Variants in FER observed in about 807,000 individuals in gnomAD.
The protein encoded by FER is FER tyrosine kinase.
A neutral mutation model predicts 111.0 loss-of-function variants in FER; 63 were observed. The observed-to-expected ratio is 0.57, with a 90% CI of 0.46 to 0.70. The LOEUF (loss-of-function observed/expected upper bound fraction) is 0.70, where lower values mean the gene tolerates loss of function less well. Among genes scored for constraint, FER ranks in the 30% least tolerant of loss-of-function variants. FER has a pLI of 0.00. For missense variants in FER, 914 were observed against 954.0 expected (o/e 0.96, Z 0.55); for synonymous variants, 327 against 313.9 (o/e 1.04, Z -0.44).
chr5:108,913,806 A>G (rs529737407), intron 10 of FER, among the ~76,000 whole-genome samples: 2 of 152,226 alleles, frequency 1.3e-5, no homozygotes, highest in Non-Finnish European at 1.5e-5. Context: ...ACCCAATGGG[A>G]TACTCCGCAG....
At chr5:108,962,188 C>T (rs1248351464) in intron 13 of FER, among the ~76,000 whole-genome samples, 3 of 152,154 alleles carry the variant, frequency 2.0e-5, no homozygotes, top group Non-Finnish European at 4.4e-5. Context: ...GCCTGAGCCA[C>T]CCATCCCTCT....
At chr5:109,077,330 A>G (rs1399199100) in intron 16 of FER, among the ~76,000 whole-genome samples, 6 of 152,194 alleles carry the variant, frequency 3.9e-5, no homozygotes, top group Admixed American at 6.5e-5. Context: ...ACCTTATTAT[A>G]TGAATTAACT....
At chr5:108,804,482 C>G (rs1181772675) in intron 3 of FER, among the ~76,000 whole-genome samples, 1 of 152,064 alleles carries the variant, frequency 6.6e-6, no homozygotes. Flanking sequence ...ATAGATGGCT[C>G]TTACTGTTTT....
chr5:108,901,890 G>A (rs1750080396), intron 10 of FER, among the ~76,000 whole-genome samples: 2 of 152,318 alleles, frequency 1.3e-5, no homozygotes, highest in Non-Finnish European at 2.9e-5. Flanking sequence ...GTTTGAGACT[G>A]CAGTGTTCCA....
chr5:109,130,792 C>T (rs1281308326), intron 17 of FER, among the ~76,000 whole-genome samples: 1 of 151,986 alleles, frequency 6.6e-6, no homozygotes, highest in Non-Finnish European at 1.5e-5. Flanking sequence ...GGCTGCCATA[C>T]CAAACAGCAC....
rs77643047 is a variant in FER, at chr5:109,164,518, T to C, written c.2049-16229T>C. The stretch of plus-strand genomic sequence containing the variant: ...GTTTTATACATTGCTCCTTTCTGAA[T>C]CATGTCTATATCTGTATTGAATTGT... On this transcript the variant is annotated intron_variant, in intron 17 of 19. Coordinates refer to ENST00000281092, the MANE Select transcript of FER (RefSeq NM_005246.4). 2.7e-3 allele frequency among the ~76,000 whole-genome samples: 410 copies of C among 152,314 alleles called. 4 individuals carry two copies. Among genetic ancestry groups the C allele is most frequent in the African/African-American group, 8.0e-3 (334 of 41,570 alleles).
intron 13 of FER, among the ~76,000 whole-genome samples, chr5:109,006,953 GTTTAC>G (rs1223483323): frequency 6.6e-6 from 1 of 152,112 alleles, no homozygotes; most frequent in Non-Finnish European, 1.5e-5. Context: ...TGCTTCAAAA[GTTTAC>G]TTAACTTTGG....
intron 10 of FER, among the ~76,000 whole-genome samples, chr5:108,906,583 C>T (rs557530013): frequency 6.6e-6 from 1 of 152,036 alleles, no homozygotes; most frequent in African/African-American, 2.4e-5. Context: ...TATTAGAAGT[C>T]TGCTTTTTTC....
chr5:109,183,397 C>T lies in FER; in HGVS notation c.2203+2496C>T, dbSNP rs571575018. 1.8e-4 allele frequency among the ~76,000 whole-genome samples: 28 copies of T among 151,972 alleles called. No individual in the cohort carries two copies. In the South Asian group the frequency reaches 2.7e-3, roughly 15 times the overall value. ...CCCAGTAGCTGGGACTACAGGTGCC[C>T]GCCACCACGCCCAGCTAATTTTTGT... On this transcript the variant is annotated intron_variant, in intron 18 of 19. Transcript: ENST00000281092.
intron 6 of FER, among the ~76,000 whole-genome samples, chr5:108,869,284 G>A (rs755792827): frequency 1.3e-5 from 2 of 152,128 alleles, no homozygotes; most frequent in African/African-American, 2.4e-5. Flanking sequence ...ACAGACAAGT[G>A]AGAATGGACC....
intron 5 of FER, among the ~76,000 whole-genome samples, chr5:108,861,913 C>G (rs1027469605): frequency 3.3e-5 from 5 of 152,126 alleles, no homozygotes; most frequent in African/African-American, 4.8e-5. Flanking sequence ...CATAGAATCC[C>G]TTTCCAAATC....
Position 109,180,913 on chromosome 5 carries a change from C to T in FER, c.2203+12C>T. The T allele has an allele frequency of 6.4e-7, 1 of 1,567,470 alleles. No individual in the cohort carries two copies. Among genetic ancestry groups the T allele is most frequent in the East Asian group, 2.3e-5 (1 of 43,592 alleles). On this transcript the variant is annotated intron_variant, in intron 18 of 19. Coordinates refer to ENST00000281092, the MANE Select transcript of FER (RefSeq NM_005246.4). The stretch of plus-strand genomic sequence containing the variant: ...AGCTCTTAATTATGGTAAGAATAGA[C>T]CACATTTTTTTTTTAATGGTAAAAA...
At chr5:109,008,880 G>A (rs1297384603) in intron 13 of FER, among the ~76,000 whole-genome samples, 1 of 152,032 alleles carries the variant, frequency 6.6e-6, no homozygotes. Context: ...TGAGGCAGGA[G>A]AATTGCTTGA....
At chr5:109,048,969 CTTTA>C (rs1561825432) in intron 16 of FER, among the ~76,000 whole-genome samples, 2 of 151,944 alleles carry the variant, frequency 1.3e-5, no homozygotes. Flanking sequence ...TCAACCGCAA[CTTTA>C]TTTGTGGATA....
intron 9 of FER, among the ~76,000 whole-genome samples, chr5:108,894,931 G>T (rs1748835569): frequency 6.6e-6 from 1 of 152,098 alleles, no homozygotes; most frequent in East Asian, 1.9e-4. Flanking sequence ...AATTAGGGGG[G>T]CTACAATTTG....
intron 17 of FER, among the ~76,000 whole-genome samples, chr5:109,131,189 A>G (rs1752320383): frequency 6.6e-6 from 1 of 152,172 alleles, no homozygotes; most frequent in African/African-American, 2.4e-5. Context: ...TTGTAGGATT[A>G]TTTAGCATTT....
At chr5:108,878,634 A>T (rs992635720) in intron 8 of FER, among the ~76,000 whole-genome samples, 4 of 151,890 alleles carry the variant, frequency 2.6e-5, no homozygotes, top group African/African-American at 9.7e-5. Context: ...GTTTTGTGGG[A>T]CTCTAAGCTT....
chr5:109,013,314 G>A lies in FER; in HGVS notation c.1657-24108G>A, dbSNP rs568366800. On this transcript the variant is annotated intron_variant, in intron 13 of 19. Transcript: ENST00000281092. Reference sequence around the variant, plus strand: ...CTCATTGTTCAATTCCCACCTATGAGTGAGAACTTGCGGTGTTTGGTTTTT... The same window carrying A: ...CTCATTGTTCAATTCCCACCTATGAATGAGAACTTGCGGTGTTTGGTTTTT... 5.2e-4 allele frequency among the ~76,000 whole-genome samples: 75 copies of A among 145,562 alleles called. No individual in the cohort carries two copies. The East Asian group carries it at 0.015, about 29-fold the overall frequency.
chr5:109,172,237 A>G lies in FER; in HGVS notation c.2049-8510A>G, dbSNP rs531030220. ...TAGCAAAGACTTGGAACCAACCCAA[A>G]TGTCCAACAATGATAGACTGGATTA... On this transcript the variant is annotated intron_variant, in intron 17 of 19. Coordinates refer to ENST00000281092, the MANE Select transcript of FER (RefSeq NM_005246.4). Among the ~76,000 whole-genome samples, 361 of 151,976 alleles carry G rather than the reference A, an allele frequency of 2.4e-3. 1 individual carries two copies. Among genetic ancestry groups the G allele is most frequent in the African/African-American group, 8.3e-3 (343 of 41,440 alleles).
Sources: gnomAD v4.1 joint callset for allele counts (sites outside exome capture counted in the v4.1 genomes callset) on GRCh38, gnomAD v4.1.1 for gene constraint, MANE v1.5 for transcripts, NCBI Gene and HGNC (gene_info 2026-07-23, HGNC 2026-07-21) for gene names.